NUCB2: variants seen among roughly 807,000 people sequenced by gnomAD.
NUCB2 encodes the protein nucleobindin-2.
Under a neutral mutation model 57.9 loss-of-function variants are expected in NUCB2, and 48 were observed. The observed-to-expected ratio is 0.83, with a 90% CI of 0.66 to 1.05. NUCB2 has a LOEUF of 1.05. NUCB2 is among the 50% of genes least tolerant of loss of function. The pLI, the probability that NUCB2 is intolerant of heterozygous loss-of-function variation, is 0.00. For synonymous variants in NUCB2, 139 were observed against 152.1 expected (o/e 0.91, Z 0.64); for missense variants, 442 against 476.2 (o/e 0.93, Z 0.67).
intron 2 of NUCB2, among the ~76,000 whole-genome samples, chr11:17,340,290 T>G (rs1365582581): frequency 3.3e-5 from 5 of 152,348 alleles, no homozygotes; most frequent in African/African-American, 1.2e-4. Flanking sequence ...TTTCTCCCAT[T>G]CTGTAGGTTG....
intron 2 of NUCB2, among the ~76,000 whole-genome samples, chr11:17,295,047 TCAAACAAA>T (rs370595955): frequency 1.3e-5 from 2 of 152,086 alleles, no homozygotes; most frequent in Non-Finnish European, 2.9e-5. Flanking sequence ...AAACTCTGTC[TCAAACAAA>T]CAAACAAACA....
Position 17,309,636 on chromosome 11 carries a change from C to G in NUCB2, c.444C>G (p.Asp148Glu). 6.2e-7 allele frequency: 1 copy of G among 1,607,092 alleles called. No homozygotes were observed. The highest frequency in any genetic ancestry group is 8.5e-7 in the Non-Finnish European group (1 of 1,177,434). The change falls in exon 6 of 14, where the codon GAC becomes GAG. Residue 148 changes from aspartate to glutamate, a missense_variant. Coordinates refer to ENST00000529010, the MANE Select transcript of NUCB2 (RefSeq NM_005013.4). ...QFDHLNHLNP[D>E]KFESTDLDML... Reference sequence around the variant, plus strand: ...ATCACCTAAACCACCTGAATCCTGACAAGTTTGAATCCACAGATTTAGATA... The same window carrying G: ...ATCACCTAAACCACCTGAATCCTGAGAAGTTTGAATCCACAGATTTAGATA...
chr11:17,295,473 T>C lies in NUCB2; in HGVS notation c.144+6T>C. 1.1e-5 allele frequency: 17 copies of C among 1,581,506 alleles called. No homozygotes were observed. The highest frequency in any genetic ancestry group is 1.5e-5 in the Non-Finnish European group (17 of 1,154,292). On this transcript the variant is annotated splice_donor_region_variant and intron_variant, in intron 3 of 13. Transcript: ENST00000529010. ...GTGCGAAGATAGAACCACCAGTAAG[T>C]GAAATGAAGTGAAATGGGAGGAATT... is the stretch of plus-strand genomic sequence containing the variant.
At chr11:17,304,275 A>G (rs537478485) in intron 5 of NUCB2, among the ~76,000 whole-genome samples, 59 of 151,852 alleles carry the variant, frequency 3.9e-4, no homozygotes, top group African/African-American at 1.4e-3. Flanking sequence ...GCTCACTGCA[A>G]CCTCCGCCTC....
chr11:17,341,746 A>C (rs1397275066), intron 2 of NUCB2, among the ~76,000 whole-genome samples: 11 of 152,094 alleles, frequency 7.2e-5, no homozygotes, highest in Admixed American at 7.2e-4. Flanking sequence ...TTTTGCATCG[A>C]TGTTCATCAG....
intron 2 of NUCB2, among the ~76,000 whole-genome samples, chr11:17,287,184 T>C (rs1943894744): frequency 6.6e-6 from 1 of 151,954 alleles, no homozygotes; most frequent in South Asian, 2.1e-4. Flanking sequence ...TATATATATA[T>C]ATCACCACGC....
chr11:17,347,174 A>G (rs567599543), intron 2 of NUCB2, among the ~76,000 whole-genome samples: 1 of 152,346 alleles, frequency 6.6e-6, no homozygotes, highest in African/African-American at 2.4e-5. Context: ...CAAAGGCAGG[A>G]AGGCTCTAAG....
chr11:17,328,547 C>T (rs889178538), intron 11 of NUCB2, among the ~76,000 whole-genome samples: 26 of 152,214 alleles, frequency 1.7e-4, no homozygotes, highest in African/African-American at 6.3e-4. Flanking sequence ...ACTCCTCTTT[C>T]CACAGGCAGA....
At chr11:17,303,368 A>G (rs1019491224) in intron 5 of NUCB2, among the ~76,000 whole-genome samples, 1 of 152,196 alleles carries the variant, frequency 6.6e-6, no homozygotes, top group Non-Finnish European at 1.5e-5. Context: ...TATTTCAGGA[A>G]TATAAGATGG....
downstream of NUCB2, among the ~76,000 whole-genome samples, chr11:17,336,633 A>G (rs1951822570): frequency 6.6e-6 from 1 of 151,370 alleles, no homozygotes; most frequent in South Asian, 2.1e-4. Context: ...GGGCGCCTGT[A>G]GTCCCAGCTA....
intron 11 of NUCB2, among the ~76,000 whole-genome samples, chr11:17,324,800 T>TTATTTATG (rs559079494): frequency 0.024 from 3,581 of 151,560 alleles, 62 homozygotes; most frequent in Non-Finnish European, 0.035. Flanking sequence ...ATTTATTTAT[T>TTATTTATG]TATTTATTTA....
At chr11:17,315,550 T>C in intron 11 of NUCB2, 75 bp downstream of exon 11, 1 of 810,658 alleles carries the variant, frequency 1.2e-6, no homozygotes, top group Middle Eastern at 3.0e-4. Context: ...TTAACTTTTA[T>C]TCCCCATTAT....
At chr11:17,312,508 A>G (rs1565434710) in intron 10 of NUCB2, among the ~76,000 whole-genome samples, 2 of 151,654 alleles carry the variant, frequency 1.3e-5, no homozygotes, top group South Asian at 2.1e-4. Flanking sequence ...GATTCAAGCA[A>G]TTCTCTGCCT....
chr11:17,326,260 AAAGT>A (rs1950651526), intron 11 of NUCB2, among the ~76,000 whole-genome samples: 1 of 150,228 alleles, frequency 6.7e-6, no homozygotes, highest in Non-Finnish European at 1.5e-5. Flanking sequence ...TCAGCCTCCC[AAAGT>A]GCTGGGATTA....
At chr11:17,291,122 T>G (rs1944866989) in intron 2 of NUCB2, 1 of 152,210 alleles carries the variant, frequency 6.6e-6, no homozygotes, top group African/African-American at 2.4e-5. Flanking sequence ...TCTGCTTTCT[T>G]TCTCTGTGGA....
intron 5 of NUCB2, among the ~76,000 whole-genome samples, chr11:17,308,209 G>C (rs1424722023): frequency 6.6e-6 from 1 of 152,126 alleles, no homozygotes; most frequent in Admixed American, 6.5e-5. Context: ...CCCAGCTCTG[G>C]AATGAGCCAT....
rs746606403 is a variant in NUCB2 at position 17,330,899 on chromosome 11, C to T, written c.1174-3C>T. On this transcript the variant is annotated splice_region_variant and splice_polypyrimidine_tract_variant and intron_variant, in intron 12 of 13. Transcript: ENST00000529010. This position sits in a 1 kb window ranked among gnomAD's most constrained non-coding sequence, Gnocchi z 4.3. ...CTTTTAACTTTCATTTTCCATTCACCAGGTCATACAGCAGATGGAACAAAA... is the reference window on the plus strand; with the variant it reads ...CTTTTAACTTTCATTTTCCATTCACTAGGTCATACAGCAGATGGAACAAAA... 1 of 1,562,500 alleles carries T rather than the reference C, an allele frequency of 6.4e-7. No homozygotes were observed. The highest frequency in any genetic ancestry group is 2.3e-5 in the East Asian group (1 of 44,284).
chr11:17,294,719 G>A (rs1010777829), intron 2 of NUCB2, among the ~76,000 whole-genome samples: 1 of 146,822 alleles, frequency 6.8e-6, no homozygotes, highest in Non-Finnish European at 1.5e-5. Flanking sequence ...CTAGATTGAA[G>A]CTTTTGTAAT....
intron 11 of NUCB2, among the ~76,000 whole-genome samples, chr11:17,322,239 G>C (rs1344189765): frequency 6.6e-6 from 1 of 152,134 alleles, no homozygotes; most frequent in South Asian, 2.1e-4. Context: ...TTAGAGTTAA[G>C]TCTTTAATCC....
Sources: gnomAD v4.1 joint callset for allele counts (sites outside exome capture counted in the v4.1 genomes callset) on GRCh38, gnomAD v4.1.1 for gene constraint, Gnocchi (gnomAD v3.1) non-coding constraint, MANE v1.5 for transcripts, NCBI Gene and HGNC (gene_info 2026-07-23, HGNC 2026-07-21) for gene names.